The following GATAD2B variants were observed in gnomAD, a reference collection of about 807,000 sequenced individuals.
The protein encoded by GATAD2B is GATA zinc finger domain containing 2B.
A neutral mutation model predicts 64.3 loss-of-function variants in GATAD2B; 8 were observed. That is an observed-to-expected ratio of 0.12 (90% CI 0.07 to 0.22). GATAD2B has a LOEUF of 0.22. GATAD2B is among the 10% of genes least tolerant of loss of function. The pLI is 1.00. For missense variants in GATAD2B, 453 were observed against 752.0 expected, an observed-to-expected ratio of 0.60 and a Z score of 4.65; for synonymous variants, 281 against 271.3, an observed-to-expected ratio of 1.04 and a Z score of -0.35.
At chr1:153,847,675 T>A (rs561890979) in intron 1 of GATAD2B, among the ~76,000 whole-genome samples, 1 of 152,286 alleles carries the variant, frequency 6.6e-6, no homozygotes, top group East Asian at 1.9e-4. Flanking sequence ...TTCTGTGAAA[T>A]TTTCTGCTAT....
chr1:153,913,309 G>T (rs1013813794), intron 1 of GATAD2B, among the ~76,000 whole-genome samples: 28 of 152,144 alleles, frequency 1.8e-4, no homozygotes, highest in African/African-American at 6.8e-4. Flanking sequence ...ATAATCAAAG[G>T]TATTGTTCCT....
chr1:153,867,737 G>C (rs1676526847), intron 1 of GATAD2B, among the ~76,000 whole-genome samples: 1 of 151,972 alleles, frequency 6.6e-6, no homozygotes, highest in Non-Finnish European at 1.5e-5. Context: ...GTGAGCATCT[G>C]TAATCTTAAC....
chr1:153,875,882 A>C (rs1384765186), intron 1 of GATAD2B, among the ~76,000 whole-genome samples: 1 of 152,094 alleles, frequency 6.6e-6, no homozygotes, highest in Admixed American at 6.6e-5. Flanking sequence ...AGATATAATT[A>C]TCCTCCTGTT....
intron 1 of GATAD2B, among the ~76,000 whole-genome samples, chr1:153,833,292 C>T (rs1675143017): frequency 6.6e-6 from 1 of 152,170 alleles, no homozygotes; most frequent in East Asian, 1.9e-4. Flanking sequence ...GTCTGGATGA[C>T]AGCACATCTG....
At chr1:153,881,859 T>C (rs1040641105) in intron 1 of GATAD2B, among the ~76,000 whole-genome samples, 4 of 152,032 alleles carry the variant, frequency 2.6e-5, no homozygotes, top group Non-Finnish European at 5.9e-5. Flanking sequence ...GTCTCTTTTC[T>C]ACCGTAAGAG....
intron 1 of GATAD2B, among the ~76,000 whole-genome samples, chr1:153,842,954 C>CTTT (rs11424016): frequency 8.5e-5 from 10 of 117,478 alleles, no homozygotes; most frequent in Admixed American, 2.8e-4. Context: ...CTCGCCCAGC[C>CTTT]TTTTTTTTTT....
chr1:153,806,760 C>CGGGGGT lies in GATAD2B; in HGVS notation c.*3411_*3416dup. The stretch of plus-strand genomic sequence containing the variant: ...TGATGGAAAGGATGGGAGCCTAGGA[C>CGGGGGT]GGGGGTGGGGGTAGGGGGTGTGGAG... On this transcript the variant is annotated 3_prime_UTR_variant, in exon 11 of 11. Transcript: ENST00000368655. 1 of 130,858 alleles carries CGGGGGT rather than the reference C, an allele frequency of 7.6e-6. No homozygotes were observed. The highest frequency in any genetic ancestry group is 3.0e-5 in the African/African-American group (1 of 33,784). The allele number at this position is 130,858 out of a possible 1,614,324, so 8.1% of individuals were successfully genotyped here. A position where few individuals can be genotyped will look rare whatever the true frequency, so the allele number is the denominator to read the frequency against.
At chr1:153,862,700 C>T (rs1236655275) in intron 1 of GATAD2B, among the ~76,000 whole-genome samples, 2 of 151,198 alleles carry the variant, frequency 1.3e-5, no homozygotes, top group Non-Finnish European at 2.9e-5. Context: ...TTTGCCACTG[C>T]GCCTGGCCAA....
rs1674355045 is a variant in GATAD2B at position 153,813,293 on chromosome 1, T to C, written c.1376A>G (p.Asn459Ser). 1 of 1,614,024 alleles carries C rather than the reference T, an allele frequency of 6.2e-7. No homozygotes were observed. Among genetic ancestry groups the C allele is most frequent in the Non-Finnish European group, 8.5e-7 (1 of 1,180,026 alleles). The change falls in exon 8 of 11, where the codon AAC (asparagine) becomes AGC (serine). Residue 459 changes from asparagine (N) to serine (S), a missense_variant. Transcript: ENST00000368655. Reference sequence around the variant, plus strand: ...TTTCACAAATGCATTTTTCAGCCGGTTGGTGTGTTCAGCTTTTAGAGCCTT... The same window carrying C: ...TTTCACAAATGCATTTTTCAGCCGGCTGGTGTGTTCAGCTTTTAGAGCCTT... ...QKKALKAEHT[N>S]RLKNAFVKAL... is the part of the protein sequence containing the mutation.
At chr1:153,849,809 T>C (rs1214347178) in intron 1 of GATAD2B, among the ~76,000 whole-genome samples, 1 of 152,104 alleles carries the variant, frequency 6.6e-6, no homozygotes, top group African/African-American at 2.4e-5. Flanking sequence ...GTTTTGTATT[T>C]TTAGCAGAGG....
intron 1 of GATAD2B, among the ~76,000 whole-genome samples, chr1:153,892,074 A>G (rs1320706006): frequency 6.7e-6 from 1 of 149,266 alleles, no homozygotes; most frequent in East Asian, 2.1e-4. Flanking sequence ...CTGAGGCAGG[A>G]GAATTGCTTA....
intron 1 of GATAD2B, among the ~76,000 whole-genome samples, chr1:153,898,004 C>CAA (rs60650122): frequency 7.6e-6 from 1 of 131,394 alleles, no homozygotes. Context: ...AAAAAAAAAA[C>CAA]AAAAAAAAAA....
At chr1:153,811,690 A>G in intron 10 of GATAD2B, 41 bp downstream of exon 10, 4 of 1,209,738 alleles carry the variant, frequency 3.3e-6, no homozygotes, top group Non-Finnish European at 4.9e-6. Context: ...ACTAACTAAC[A>G]GCTGACCCAT....
intron 1 of GATAD2B, among the ~76,000 whole-genome samples, chr1:153,845,209 A>C (rs1675640672): frequency 1.3e-5 from 2 of 152,090 alleles, no homozygotes; most frequent in Admixed American, 6.6e-5. Context: ...CAGATATGTG[A>C]TCAATGGAAA....
At chr1:153,906,557 A>G (rs1160637117) in intron 1 of GATAD2B, among the ~76,000 whole-genome samples, 2 of 152,180 alleles carry the variant, frequency 1.3e-5, no homozygotes, top group African/African-American at 4.8e-5. Context: ...GACTAAACAG[A>G]AGAGCTAACA....
Position 153,836,238 on chromosome 1 carries a change from G to A in GATAD2B, c.-1-7890C>T, listed in dbSNP as rs532494552. On this transcript the variant is annotated intron_variant, in intron 1 of 10. Coordinates refer to ENST00000368655, the MANE Select transcript of GATAD2B (RefSeq NM_020699.4). ...GGCTGAGAGTTTGAGACCATCCTGG[G>A]AGACTCATCTCTAAAAAAAAATTTG... is the stretch of plus-strand genomic sequence containing the variant. 2.6e-3 allele frequency among the ~76,000 whole-genome samples: 386 copies of A among 150,316 alleles called. 3 individuals are homozygous for A. Among genetic ancestry groups the A allele is most frequent in the African/African-American group, 7.7e-3 (315 of 40,986 alleles).
chr1:153,903,531 T>C (rs913579585), intron 1 of GATAD2B, among the ~76,000 whole-genome samples: 2 of 152,178 alleles, frequency 1.3e-5, no homozygotes, highest in Admixed American at 1.3e-4. Context: ...TGAGTACTAG[T>C]AGTACTCAAA....
chr1:153,828,831 T>C (rs1674978803), intron 1 of GATAD2B, among the ~76,000 whole-genome samples: 1 of 152,164 alleles, frequency 6.6e-6, no homozygotes, highest in Non-Finnish European at 1.5e-5. Flanking sequence ...TTTTTTTCTT[T>C]ACTCATGAAG....
chr1:153,903,075 G>A (rs1250673340), intron 1 of GATAD2B, among the ~76,000 whole-genome samples: 6 of 152,000 alleles, frequency 3.9e-5, no homozygotes, highest in East Asian at 1.9e-4. Context: ...AAAATTAGCC[G>A]GGCGTGGTGG....
Sources: gnomAD v4.1 joint callset for allele counts (sites outside exome capture counted in the v4.1 genomes callset) on GRCh38, gnomAD v4.1.1 for gene constraint, MANE v1.5 for transcripts, NCBI Gene and HGNC (gene_info 2026-07-23, HGNC 2026-07-21) for gene names.